Variants in CRNN observed in about 807,000 individuals in gnomAD.
CRNN encodes the protein 53 kDa putative calcium-binding protein.
Under a neutral mutation model 44.7 loss-of-function variants are expected in CRNN, and 39 were observed. That is an observed-to-expected ratio of 0.87 (90% CI 0.68 to 1.14). The LOEUF (loss-of-function observed/expected upper bound fraction) is 1.14, where lower values mean the gene tolerates loss of function less well. CRNN is among the 50% of genes most tolerant of loss of function. The pLI is 0.00. For synonymous variants in CRNN, 240 were observed against 231.8 expected (o/e 1.04, Z -0.32); for missense variants, 606 against 605.1 (o/e 1.00, Z -0.02).
At position 152,410,728 on chromosome 1, in the gene CRNN, T is replaced by A; in HGVS notation, c.354A>T (p.Arg118Ser). Residue 118 changes from arginine to serine, a missense_variant, in exon 3 of 3, where the codon AGA (arginine) becomes AGT (serine). Transcript: ENST00000271835. ...GASQELGEGQ[R>S]SGTEVGRAGK... Reference sequence around the variant, plus strand: ...CCGCCCTTCCCACTTCAGTGCCACTTCTCTGTCCTTCGCCCAGCTCCTGCG... The same window carrying A: ...CCGCCCTTCCCACTTCAGTGCCACTACTCTGTCCTTCGCCCAGCTCCTGCG... 6.2e-7 allele frequency: 1 copy of A among 1,614,100 alleles called. No homozygotes were observed. Among genetic ancestry groups the A allele is most frequent in the Non-Finnish European group, 8.5e-7 (1 of 1,179,980 alleles).
intron 1 of CRNN, among the ~76,000 whole-genome samples, chr1:152,412,644 A>T (rs1362738223): frequency 1.3e-5 from 2 of 152,234 alleles, no homozygotes; most frequent in African/African-American, 2.4e-5. Flanking sequence ...TATAATTATT[A>T]TGCTATTATA....
At chr1:152,412,379 A>G (rs2101706303) in intron 1 of CRNN, 133 bp from the exon 2 acceptor site, 1 of 894,554 alleles carries the variant, frequency 1.1e-6, no homozygotes. Flanking sequence ...TTTCCTACAT[A>G]ATGCATCTTA....
chr1:152,409,829 C>G lies in CRNN; in HGVS notation c.1253G>C (p.Ser418Thr). 1 of 1,614,196 alleles carries G rather than the reference C, an allele frequency of 6.2e-7. No homozygotes were observed. Among genetic ancestry groups the G allele is most frequent in the Non-Finnish European group, 8.5e-7 (1 of 1,180,026 alleles). ...CACACAGCGCCTTGGGTGAGTGCTGCTCCACTCCTGCCTTCCTGACTCAGT... is the reference window on the plus strand; with the variant it reads ...CACACAGCGCCTTGGGTGAGTGCTGGTCCACTCCTGCCTTCCTGACTCAGT... ...ASTESGRQEW[S>T]STHPRRCVTE... Residue 418 changes from serine (S) to threonine (T), a missense_variant, in exon 3 of 3, where the codon AGC (serine) becomes ACC (threonine). Transcript: ENST00000271835.
chr1:152,413,408 G>A (rs1655825622), intron 1 of CRNN, among the ~76,000 whole-genome samples: 1 of 152,194 alleles, frequency 6.6e-6, no homozygotes, highest in African/African-American at 2.4e-5. Context: ...GGGAGATGGA[G>A]CCTGTAGCAG....
chr1:152,411,338 G>A (rs999713866), intron 2 of CRNN, among the ~76,000 whole-genome samples: 2 of 152,212 alleles, frequency 1.3e-5, no homozygotes, highest in African/African-American at 4.8e-5. Flanking sequence ...GCAGCAGGTT[G>A]GGAACACAGC....
chr1:152,409,753 A>C lies in CRNN; in HGVS notation c.1329T>G (p.Val443=), dbSNP rs769878587. 1 of 1,614,178 alleles carries C rather than the reference A, an allele frequency of 6.2e-7. No individual in the cohort carries two copies. The highest frequency in any genetic ancestry group is 1.1e-5 in the South Asian group (1 of 91,078). Residue 443 remains valine (V), a synonymous_variant, in exon 3 of 3, where the codon GTT becomes GTG. Transcript: ENST00000271835. The part of the protein sequence containing the change: ...RQPTVVGEEW[V]DDHSRETVIL... The stretch of plus-strand genomic sequence containing the variant: ...TCACTGTCTCCCTTGAGTGGTCATC[A>C]ACCCATTCCTCACCAACCACTGTGG...
chr1:152,409,520 G>A lies in CRNN; in HGVS notation c.*74C>T. 1 of 1,537,982 alleles carries A rather than the reference G, an allele frequency of 6.5e-7. No homozygotes were observed. The highest frequency in any genetic ancestry group is 8.7e-7 in the Non-Finnish European group (1 of 1,143,712). On this transcript the variant is annotated 3_prime_UTR_variant, in exon 3 of 3. Transcript: ENST00000271835. ...GCTGATGTCCAGGGATGCACCCACT[G>A]GATTGGCCATGCAGGACAAGCCAAA...
Position 152,410,451 on chromosome 1 carries a change from GTC to G in CRNN, c.629_630del (p.Arg210ThrfsTer15), listed in dbSNP as rs1557915075. 2 of 1,614,180 alleles carry G rather than the reference GTC, an allele frequency of 1.2e-6. No individual in the cohort carries two copies. The highest frequency in any genetic ancestry group is 1.7e-6 in the Non-Finnish European group (2 of 1,180,036). On this transcript the variant is annotated frameshift_variant, in exon 3 of 3. Transcript: ENST00000271835. LOFTEE classifies it high-confidence loss of function. ...CTGTCCTGTTCCCTGGTCTGTGGCT[GTC>G]TCTCTGGCCTCATCTCTGTTGTCTG... ...RNQTTEMRPE[R>X]QPQTREQDRA...
chr1:152,412,296 A>C, intron 1 of CRNN, 50 bp from the exon 2 acceptor site: 2 of 1,547,014 alleles, frequency 1.3e-6, no homozygotes, highest in Non-Finnish European at 1.8e-6. Flanking sequence ...AACCTCAGCT[A>C]TTTCCTTTAT....
rs200965421 is a variant in CRNN at position 152,410,287 on chromosome 1, G to A, written c.795C>T (p.Asn265=). The part of the protein sequence containing the change: ...KQTQEATNDQ[N]RGTETHGQGR... ...CTTGACCGTGGGTCTCAGTCCCTCT[G>A]TTCTGGTCATTGGTGGCCTCCTGTG... The change falls in exon 3 of 3, where the codon AAC becomes AAT. Residue 265 remains asparagine (N), a synonymous_variant. Coordinates refer to ENST00000271835, the MANE Select transcript of CRNN (RefSeq NM_016190.3). The A allele has an allele frequency of 1.2e-6, 2 of 1,613,916 alleles. No homozygotes were observed. Among genetic ancestry groups the A allele is most frequent in the African/African-American group, 2.7e-5 (2 of 74,954 alleles).
rs780915099 is a variant in CRNN at position 152,409,408 on chromosome 1, G to C, written c.*186C>G. The C allele has an allele frequency of 2.1e-5, 24 of 1,118,092 alleles. No individual in the cohort carries two copies. Among genetic ancestry groups the C allele is most frequent in the Non-Finnish European group, 2.3e-5 (19 of 813,092 alleles). 69.3% of individuals were successfully genotyped at this position (1,118,092 alleles called of 1,614,324 possible). ...CTGAGAGGGTCTGCACCGCAAAGCA[G>C]GTAAGAAAGAAGAGTTCAGGATAGA... On this transcript the variant is annotated 3_prime_UTR_variant, in exon 3 of 3. Transcript: ENST00000271835.
chr1:152,409,865 G>C lies in CRNN; in HGVS notation c.1217C>G (p.Thr406Ser). The C allele has an allele frequency of 6.2e-7, 1 of 1,614,178 alleles. No individual in the cohort carries two copies. The highest frequency in any genetic ancestry group is 8.5e-7 in the Non-Finnish European group (1 of 1,180,038). The change falls in exon 3 of 3, where the codon ACT becomes AGT. Residue 406 changes from threonine (T) to serine (S), a missense_variant. Thr to Ser is a moderately conservative substitution (Grantham distance 58). Coordinates refer to ENST00000271835, the MANE Select transcript of CRNN (RefSeq NM_016190.3). Reference sequence around the variant, plus strand: ...CCTTCCTGACTCAGTGCTTGCCCCAGTCTGGGCCTGTCCTCCCGGTACTGT... The same window carrying C: ...CCTTCCTGACTCAGTGCTTGCCCCACTCTGGGCCTGTCCTCCCGGTACTGT... ...GETVPGGQAQ[T>S]GASTESGRQE...
rs140890124 is a variant in CRNN, at chr1:152,410,268, C to G, written c.814G>C (p.Gly272Arg). Residue 272 changes from glycine to arginine, a missense_variant, in exon 3 of 3, where the codon GGT becomes CGT. Transcript: ENST00000271835. ...TGGCTGGTCTGGCTCCTGCCTTGAC[C>G]GTGGGTCTCAGTCCCTCTGTTCTGG... ...NDQNRGTETHGQGRSQTSQAV... is the reference protein window; with the variant it reads ...NDQNRGTETHRQGRSQTSQAV... 5 of 1,613,802 alleles carry G rather than the reference C, an allele frequency of 3.1e-6. No individual in the cohort carries two copies. The South Asian group carries it at 5.5e-5, about 18-fold the overall frequency.
At chr1:152,412,274 G>A in intron 1 of CRNN, 28 bp from the exon 2 acceptor site, 1 of 1,588,456 alleles carries the variant, frequency 6.3e-7, no homozygotes, top group Non-Finnish European at 8.6e-7. Context: ...TTCCCTTGGA[G>A]GCTCCATAAT....
chr1:152,413,851 C>A (rs1399549420), intron 1 of CRNN, among the ~76,000 whole-genome samples: 2 of 152,208 alleles, frequency 1.3e-5, no homozygotes, highest in East Asian at 3.8e-4. Context: ...ACAGTTTGAT[C>A]TTATTGTCTA....
chr1:152,411,101 G>T (rs2101705536), intron 2 of CRNN, among the ~76,000 whole-genome samples, 158 bp from the exon 3 acceptor site: 1 of 152,024 alleles, frequency 6.6e-6, no homozygotes, highest in Non-Finnish European at 1.5e-5. Flanking sequence ...TTTTTTTTTA[G>T]TCCCGTCTCT....
chr1:152,411,063 G>C (rs1354627341), intron 2 of CRNN, 120 bp from the exon 3 acceptor site: 11 of 1,425,730 alleles, frequency 7.7e-6, no homozygotes, highest in Non-Finnish European at 1.0e-5. Context: ...CATACGGCTA[G>C]AGCAGCAGCA....
At chr1:152,413,029 G>A (rs574192171) in intron 1 of CRNN, among the ~76,000 whole-genome samples, 4 of 152,208 alleles carry the variant, frequency 2.6e-5, no homozygotes, top group South Asian at 4.2e-4. Context: ...GAAGAAACTG[G>A]GCTACCACCT....
In CRNN at chr1:152,414,195, TTC is replaced by T. The variant is rs1467254932; in HGVS notation, c.-14+17_-14+18del. The T allele has an allele frequency of 5.9e-5, 9 of 152,520 alleles. No individual in the cohort carries two copies. Among genetic ancestry groups the T allele is most frequent in the African/African-American group, 9.6e-5 (4 of 41,456 alleles). 9.4% of individuals were successfully genotyped at this position (152,520 alleles called of 1,614,324 possible). A position where few individuals can be genotyped will look rare whatever the true frequency, so the allele number is the denominator to read the frequency against. On this transcript the variant is annotated intron_variant, in intron 1 of 2. Transcript: ENST00000271835. ...AAGACACTGAGAATGAGAAAGAGGT[TTC>T]TTATGAGGGGACTTACCTAATGCCC...
Sources: allele counts gnomAD v4.1 joint callset (sites outside exome capture counted in the v4.1 genomes callset), GRCh38; gene constraint gnomAD v4.1.1; transcripts MANE v1.5; gene names NCBI Gene and HGNC (gene_info 2026-07-23, HGNC 2026-07-21).